Variants in ELAVL4 observed in about 807,000 individuals in gnomAD.
ELAVL4 encodes the protein ELAV-like protein 4.
Under a neutral mutation model 35.6 loss-of-function variants are expected in ELAVL4, and 1 was observed. The observed-to-expected ratio is 0.03, with a 90% CI of 0.01 to 0.13. The LOEUF (loss-of-function observed/expected upper bound fraction) is 0.13. ELAVL4 is among the 10% of genes least tolerant of loss of function. The pLI, the probability that ELAVL4 is intolerant of heterozygous loss-of-function variation, is 1.00. For synonymous variants in ELAVL4, 156 were observed against 171.0 expected (o/e 0.91, Z 0.69); for missense variants, 267 against 464.9 (o/e 0.57, Z 3.91).
chr1:50,155,640 T>A (rs1171754588), intron 2 of ELAVL4, among the ~76,000 whole-genome samples: 1 of 152,132 alleles, frequency 6.6e-6, no homozygotes, highest in Non-Finnish European at 1.5e-5. Flanking sequence ...AACTGAGGTA[T>A]TACTGAAGTA....
intron 1 of ELAVL4, among the ~76,000 whole-genome samples, chr1:50,093,616 T>A (rs953276669): frequency 2.6e-5 from 4 of 152,208 alleles, no homozygotes; most frequent in Non-Finnish European, 5.9e-5. Flanking sequence ...CAAAAATATC[T>A]GGGTTTGCCC....
chr1:50,196,657 C>T (rs144044583), intron 5 of ELAVL4, among the ~76,000 whole-genome samples: 1 of 152,216 alleles, frequency 6.6e-6, no homozygotes, highest in Non-Finnish European at 1.5e-5. Context: ...CTTTCGTGTC[C>T]TCCTATGCCC....
chr1:50,108,905 A>T (rs1451362296), upstream of ELAVL4: 2 of 1,085,362 alleles, frequency 1.8e-6, no homozygotes, highest in African/African-American at 1.7e-5. Flanking sequence ...AATGGATGTA[A>T]AAAGGGGAAG....
At chr1:50,105,675 T>C (rs1466437263), upstream of ELAVL4, 4 of 152,214 alleles carry the variant, frequency 2.6e-5, no homozygotes, top group African/African-American at 9.7e-5. Context: ...ACCAGCCATG[T>C]TTGGGGCAGG....
intron 3 of ELAVL4, 113 bp from the exon 4 acceptor site, chr1:50,193,652 T>C (rs992759091): frequency 8.2e-6 from 11 of 1,337,386 alleles, no homozygotes; most frequent in Middle Eastern, 3.9e-4. Context: ...TGATTTAAAC[T>C]GACACCATGA....
At chr1:50,059,178 T>G (rs992265818) in intron 1 of ELAVL4, among the ~76,000 whole-genome samples, 1 of 152,200 alleles carries the variant, frequency 6.6e-6, no homozygotes, top group African/African-American at 2.4e-5. Context: ...TTCTTAAATA[T>G]CAATCATATT....
intron 3 of ELAVL4, among the ~76,000 whole-genome samples, chr1:50,179,172 C>T (rs770295260): frequency 6.6e-6 from 1 of 152,068 alleles, no homozygotes; most frequent in African/African-American, 2.4e-5. Flanking sequence ...TTTCCCCACC[C>T]CCTCACCCAC....
At chr1:50,179,650 C>A (rs1052891630) in intron 3 of ELAVL4, 10 of 152,266 alleles carry the variant, frequency 6.6e-5, no homozygotes, top group Admixed American at 5.2e-4. Context: ...TGGAAAAAAA[C>A]CAAGTATCTT....
chr1:50,143,633 G>A (rs993444736), intron 1 of ELAVL4, among the ~76,000 whole-genome samples: 4 of 152,182 alleles, frequency 2.6e-5, no homozygotes, highest in Non-Finnish European at 4.4e-5. Flanking sequence ...CAGCTAGTAA[G>A]TGGCAGAGTA....
At chr1:50,055,274 G>GT (rs376454885) in intron 1 of ELAVL4, among the ~76,000 whole-genome samples, 1,511 of 145,640 alleles carry the variant, frequency 0.01, 9 homozygotes, top group African/African-American at 0.025. Context: ...AATTTGTTTT[G>GT]TTTTTTTTTT....
intron 1 of ELAVL4, among the ~76,000 whole-genome samples, chr1:50,116,293 A>G (rs944159478): frequency 2.0e-5 from 3 of 152,096 alleles, no homozygotes; most frequent in Non-Finnish European, 4.4e-5. Flanking sequence ...GTTACCTCCC[A>G]GGAGCATCTG....
chr1:50,170,935 AG>A (rs1678887688), intron 2 of ELAVL4, among the ~76,000 whole-genome samples: 1 of 152,150 alleles, frequency 6.6e-6, no homozygotes, highest in South Asian at 2.1e-4. Context: ...CTGGTTGCTG[AG>A]GTGGGAGGAT....
At chr1:50,168,208 A>G (rs763162819) in intron 2 of ELAVL4, among the ~76,000 whole-genome samples, 2 of 152,134 alleles carry the variant, frequency 1.3e-5, no homozygotes, top group Non-Finnish European at 2.9e-5. Context: ...CCATGAGGCC[A>G]TTGGCGCAAA....
At chr1:50,072,585 C>T (rs1474133407) in intron 1 of ELAVL4, among the ~76,000 whole-genome samples, 1 of 152,100 alleles carries the variant, frequency 6.6e-6, no homozygotes, top group Non-Finnish European at 1.5e-5. Flanking sequence ...CCCTCAAGCT[C>T]ATCAAGTGGG....
At chr1:50,197,352 C>T in intron 5 of ELAVL4, 77 bp from the exon 6 acceptor site, 1 of 1,395,478 alleles carries the variant, frequency 7.2e-7, no homozygotes, top group South Asian at 1.5e-5. Context: ...GAAAATGGAG[C>T]ATTCTTATTA....
chr1:50,176,463 G>A (rs1680052034), intron 2 of ELAVL4, among the ~76,000 whole-genome samples: 8 of 152,160 alleles, frequency 5.3e-5, no homozygotes, highest in Admixed American at 5.2e-4. Flanking sequence ...TGGCTGGCAT[G>A]ACCGAGGCAA....
At chr1:50,197,284 A>G (rs1287152000) in intron 5 of ELAVL4, 145 bp from the exon 6 acceptor site, 14 of 668,810 alleles carry the variant, frequency 2.1e-5, no homozygotes, top group Non-Finnish European at 2.3e-5. Flanking sequence ...GAAAAGGGGG[A>G]AACTACCGGT....
At chr1:50,133,428 T>G (rs956542464) in intron 1 of ELAVL4, among the ~76,000 whole-genome samples, 3 of 152,136 alleles carry the variant, frequency 2.0e-5, no homozygotes, top group Admixed American at 6.6e-5. Flanking sequence ...AGTCCAGTTT[T>G]ACTCCTGCCT....
chr1:50,051,772 A>ATT (rs1663398130), intron 1 of ELAVL4, among the ~76,000 whole-genome samples: 1 of 152,172 alleles, frequency 6.6e-6, no homozygotes, highest in South Asian at 2.1e-4. Flanking sequence ...GAGATGAATC[A>ATT]TACATAGAGT....
Sources: gnomAD v4.1 joint callset for allele counts (sites outside exome capture counted in the v4.1 genomes callset) on GRCh38, gnomAD v4.1.1 for gene constraint, MANE v1.5 for transcripts, NCBI Gene and HGNC (gene_info 2026-07-23, HGNC 2026-07-21) for gene names.